The following CTNNA3 variants were observed in gnomAD, a reference collection of about 807,000 sequenced individuals.
CTNNA3 encodes the protein catenin alpha-3.
A neutral mutation model predicts 95.7 loss-of-function variants in CTNNA3; 76 were observed. That is an observed-to-expected ratio of 0.79 (90% CI 0.66 to 0.96). The LOEUF (loss-of-function observed/expected upper bound fraction) is 0.96. Among genes scored for constraint, CTNNA3 ranks in the 40% least tolerant of loss-of-function variants. The probability of loss-of-function intolerance (pLI) is 0.00; values close to 1 mark genes in which losing one functional copy is unlikely to be tolerated. For synonymous variants in CTNNA3, 431 were observed against 374.4 expected (o/e 1.15, Z -1.74); for missense variants, 1,191 against 1,089.8 (o/e 1.09, Z -1.31).
chr10:67,330,036 T>G (rs2132579568), intron 5 of CTNNA3, among the ~76,000 whole-genome samples: 1 of 152,320 alleles, frequency 6.6e-6, no homozygotes, highest in South Asian at 2.1e-4. Context: ...GTAGACTAAC[T>G]TTTATGGAAG....
chr10:65,926,936 G>T (rs2077176841), intron 17 of CTNNA3, among the ~76,000 whole-genome samples: 1 of 152,030 alleles, frequency 6.6e-6, no homozygotes, highest in African/African-American at 2.4e-5. Flanking sequence ...TACAGACATT[G>T]TTCAATTCAA....
intron 3 of CTNNA3, among the ~76,000 whole-genome samples, chr10:67,577,181 T>G (rs368301338): frequency 2.9e-3 from 442 of 151,516 alleles, no homozygotes; most frequent in African/African-American, 9.8e-3. Flanking sequence ...CAGTGTAAAA[T>G]TGTTCCTATT....
intron 9 of CTNNA3, among the ~76,000 whole-genome samples, chr10:66,685,480 C>T (rs1229945120): frequency 2.8e-5 from 4 of 144,298 alleles, no homozygotes; most frequent in Non-Finnish European, 4.5e-5. Context: ...TCTCGCCATT[C>T]TCCTGCCTCA....
chr10:67,747,156 G>T (rs369871738), intron 1 of CTNNA3, among the ~76,000 whole-genome samples: 1 of 152,206 alleles, frequency 6.6e-6, no homozygotes, highest in African/African-American at 2.4e-5. Context: ...CTAGTGGGTG[G>T]GGTGGCCATG....
intron 7 of CTNNA3, among the ~76,000 whole-genome samples, chr10:67,080,443 TC>T (rs1224458831): frequency 2.0e-5 from 3 of 152,188 alleles, no homozygotes; most frequent in African/African-American, 7.2e-5. Context: ...TGCATATAAT[TC>T]CCACTTAGAA....
chr10:67,492,245 GA>G (rs371269416), intron 5 of CTNNA3, among the ~76,000 whole-genome samples: 11 of 148,934 alleles, frequency 7.4e-5, no homozygotes, highest in South Asian at 2.1e-4. Flanking sequence ...AAAATTGGGA[GA>G]AAAAAAAAGA....
At chr10:66,389,454 C>T (rs1292018004) in intron 11 of CTNNA3, among the ~76,000 whole-genome samples, 1 of 152,028 alleles carries the variant, frequency 6.6e-6, no homozygotes, top group Non-Finnish European at 1.5e-5. Flanking sequence ...CATTTAAGAG[C>T]AGACAATTGG....
intron 11 of CTNNA3, among the ~76,000 whole-genome samples, chr10:66,418,970 C>G (rs963804536): frequency 3.9e-5 from 6 of 152,088 alleles, no homozygotes; most frequent in African/African-American, 9.7e-5. Context: ...TGGAACAAGA[C>G]AAGGATATGT....
intron 7 of CTNNA3, among the ~76,000 whole-genome samples, chr10:66,960,702 A>G (rs1421545747): frequency 1.3e-5 from 2 of 152,214 alleles, no homozygotes; most frequent in Non-Finnish European, 2.9e-5. Context: ...ATAGCATAAT[A>G]TTCCAAATTA....
At chr10:67,438,919 T>C (rs1846398169) in intron 5 of CTNNA3, among the ~76,000 whole-genome samples, 1 of 152,174 alleles carries the variant, frequency 6.6e-6, no homozygotes. Context: ...TTGAGTTTCT[T>C]GACAAACATC....
intron 1 of CTNNA3, among the ~76,000 whole-genome samples, chr10:67,737,418 C>T (rs1841308683): frequency 6.6e-6 from 1 of 151,810 alleles, no homozygotes. Context: ...AAATAAACAA[C>T]ATAACAATGC....
intron 5 of CTNNA3, among the ~76,000 whole-genome samples, chr10:67,321,284 G>C (rs1428564568): frequency 6.6e-6 from 1 of 152,198 alleles, no homozygotes; most frequent in Non-Finnish European, 1.5e-5. Flanking sequence ...AGAGAAGATA[G>C]ATTAAAGATG....
intron 7 of CTNNA3, among the ~76,000 whole-genome samples, chr10:67,057,448 T>C (rs1357230873): frequency 2.0e-5 from 3 of 152,158 alleles, no homozygotes; most frequent in Admixed American, 1.3e-4. Context: ...CCCTGCTACC[T>C]ACCCTTCTAC....
chr10:66,578,729 T>C (rs1179456560), intron 10 of CTNNA3, among the ~76,000 whole-genome samples: 2 of 151,924 alleles, frequency 1.3e-5, no homozygotes, highest in Non-Finnish European at 2.9e-5. Context: ...TAGTACTTCA[T>C]TGAGAAAATT....
chr10:66,888,128 G>T (rs1224334475), intron 7 of CTNNA3, among the ~76,000 whole-genome samples: 1 of 152,158 alleles, frequency 6.6e-6, no homozygotes. Context: ...AGAGTGGTCA[G>T]AGAGGCAACA....
At chr10:67,640,299 G>T (rs1839482984) in intron 2 of CTNNA3, among the ~76,000 whole-genome samples, 1 of 152,100 alleles carries the variant, frequency 6.6e-6, no homozygotes, top group East Asian at 1.9e-4. Flanking sequence ...ACTTACAAGG[G>T]ATGTGAAGGA....
chr10:67,388,668 G>A (rs1161856807), intron 5 of CTNNA3, among the ~76,000 whole-genome samples: 103 of 151,156 alleles, frequency 6.8e-4, no homozygotes, highest in South Asian at 4.4e-3. Context: ...GAGAAAGGTC[G>A]GGTTACCCTC....
intron 13 of CTNNA3, among the ~76,000 whole-genome samples, chr10:66,173,689 A>T (rs947086691): frequency 6.6e-6 from 1 of 152,184 alleles, no homozygotes; most frequent in African/African-American, 2.4e-5. Context: ...TCTCAAAAAA[A>T]ATCAAAAAAG....
intron 12 of CTNNA3, among the ~76,000 whole-genome samples, chr10:66,366,052 T>C (rs1365435955): frequency 6.6e-6 from 1 of 152,154 alleles, no homozygotes; most frequent in African/African-American, 2.4e-5. Context: ...TAAATGTTTG[T>C]TGTCTTAATT....
Sources: gnomAD v4.1 joint callset for allele counts (sites outside exome capture counted in the v4.1 genomes callset) on GRCh38, gnomAD v4.1.1 for gene constraint, MANE v1.5 for transcripts, NCBI Gene and HGNC (gene_info 2026-07-23, HGNC 2026-07-21) for gene names.